OPTN: variants seen among roughly 807,000 people sequenced by gnomAD.
OPTN encodes the protein optineurin.
A neutral mutation model predicts 70.4 loss-of-function variants in OPTN; 54 were observed. The observed-to-expected ratio is 0.77, with a 90% CI of 0.62 to 0.96. The LOEUF is 0.96. Ranked by LOEUF, OPTN falls within the 40% of genes least tolerant of loss-of-function variation. The probability of loss-of-function intolerance (pLI) is 0.00; values close to 1 mark genes in which losing one functional copy is unlikely to be tolerated. For synonymous variants in OPTN, 256 were observed against 248.5 expected (o/e 1.03, Z -0.28); for missense variants, 624 against 673.2 (o/e 0.93, Z 0.81).
chr10:13,106,604 C>T (rs1262606138), intron 1 of OPTN, among the ~76,000 whole-genome samples: 1 of 152,216 alleles, frequency 6.6e-6, no homozygotes, highest in Non-Finnish European at 1.5e-5. Flanking sequence ...TGTACTGTCA[C>T]AGGGTGTGGT....
At chr10:13,124,368 T>A (rs1403839103) in intron 9 of OPTN, among the ~76,000 whole-genome samples, 5 of 152,188 alleles carry the variant, frequency 3.3e-5, no homozygotes, top group African/African-American at 4.8e-5. Context: ...CTGGGTAAGA[T>A]CTCTACAGTA....
At chr10:13,124,354 G>A (rs890087089) in intron 9 of OPTN, among the ~76,000 whole-genome samples, 7 of 152,244 alleles carry the variant, frequency 4.6e-5, no homozygotes, top group African/African-American at 1.2e-4. Context: ...TTAAATGTAC[G>A]AGCCTGGGTA....
chr10:13,113,396 G>T (rs1833052026), intron 5 of OPTN, among the ~76,000 whole-genome samples: 2 of 152,202 alleles, frequency 1.3e-5, no homozygotes, highest in Admixed American at 1.3e-4. Flanking sequence ...GAGGAGAAAA[G>T]AAAGAGCAGA....
chr10:13,121,421 G>T (rs988375294), intron 7 of OPTN, among the ~76,000 whole-genome samples: 5 of 144,662 alleles, frequency 3.5e-5, no homozygotes, highest in African/African-American at 1.3e-4. Flanking sequence ...CTCCAGGATT[G>T]TGTCATCGCA....
At position 13,126,026 on chromosome 10, in the gene OPTN, T is replaced by C. The variant is rs747263866; in HGVS notation, c.1229T>C (p.Leu410Pro). The part of the protein sequence containing the change: ...HNNALKTIEE[L>P]TRKESEKVDR... ...AATGCATTGAAAACAATTGAGGAAC[T>C]AACAAGAAAAGAGGTATTCACTGAA... Residue 410 changes from leucine (L) to proline (P), a missense_variant, in exon 11 of 15, where the codon CTA becomes CCA. Leu to Pro is a moderately conservative substitution (Grantham distance 98, BLOSUM62 -3). Coordinates refer to ENST00000378747, the MANE Select transcript of OPTN (RefSeq NM_001008212.2). 1.5e-5 allele frequency: 24 copies of C among 1,606,802 alleles called. No individual in the cohort carries two copies. The highest frequency in any genetic ancestry group is 1.9e-5 in the Non-Finnish European group (22 of 1,173,694).
rs140774706 is a variant in OPTN at position 13,133,773 on chromosome 10, C to T, written c.1612+192C>T. Among the ~76,000 whole-genome samples the T allele has an allele frequency of 6.8e-3, 1,032 of 152,274 alleles. 9 individuals are homozygous for T. The highest frequency in any genetic ancestry group is 0.011 in the Non-Finnish European group (752 of 68,012). On this transcript the variant is annotated intron_variant, in intron 14 of 14. Coordinates refer to ENST00000378747, the MANE Select transcript of OPTN (RefSeq NM_001008212.2). ...ACCGAATCCAGACCAGACCCTTCAC[C>T]CTGCCAGAAGGTGCCTGGCACGGCC...
chr10:13,117,801 A>G (rs761158187), intron 6 of OPTN, among the ~76,000 whole-genome samples: 1 of 152,228 alleles, frequency 6.6e-6, no homozygotes, highest in African/African-American at 2.4e-5. Flanking sequence ...TGCATATAGA[A>G]TGACTTACAA....
intron 1 of OPTN, among the ~76,000 whole-genome samples, chr10:13,104,033 CAT>C (rs1832805855): frequency 1.3e-5 from 2 of 152,104 alleles, no homozygotes; most frequent in African/African-American, 2.4e-5. Flanking sequence ...CCTTCGAAGA[CAT>C]GTGCAAGGAT....
chr10:13,101,796 C>T (rs1199228594), intron 1 of OPTN, among the ~76,000 whole-genome samples: 1 of 152,150 alleles, frequency 6.6e-6, no homozygotes, highest in Non-Finnish European at 1.5e-5. Flanking sequence ...TTTTGAGAAT[C>T]TGGAAGTGAA....
Position 13,125,439 on chromosome 10 carries a change from A to C in OPTN, c.1020A>C (p.Lys340Asn). The change falls in exon 10 of 15, where the codon AAA (lysine) becomes AAC (asparagine). Residue 340 changes from lysine to asparagine, a missense_variant. Coordinates refer to ENST00000378747, the MANE Select transcript of OPTN (RefSeq NM_001008212.2). ...LQEKCQALER[K>N]NSAIPSELNE... ...TTAGGTGTCAGGCCCTTGAAAGGAA[A>C]AATTCTGCAATTCCATCAGAGTTGA... The C allele has an allele frequency of 6.2e-7, 1 of 1,614,158 alleles. No individual in the cohort carries two copies. Among genetic ancestry groups the C allele is most frequent in the Non-Finnish European group, 8.5e-7 (1 of 1,180,008 alleles).
Position 13,107,017 on chromosome 10 carries a change from T to C in OPTN, c.-163-1121T>C, listed in dbSNP as rs559985693. Among the ~76,000 whole-genome samples, 192 of 152,320 alleles carry C rather than the reference T, an allele frequency of 1.3e-3. 1 individual carries two copies. Among genetic ancestry groups the C allele is most frequent in the African/African-American group, 4.4e-3 (183 of 41,580 alleles). ...TTTTGTGCATGCGTGGCTTTCTGCC[T>C]GATCACAGTTGTATAGTGTACATTG... is the stretch of plus-strand genomic sequence containing the variant. On this transcript the variant is annotated intron_variant, in intron 1 of 14. Transcript: ENST00000378747.
intron 12 of OPTN, among the ~76,000 whole-genome samples, chr10:13,131,107 G>A (rs1359485012): frequency 1.3e-5 from 2 of 152,032 alleles, no homozygotes; most frequent in African/African-American, 4.8e-5. Flanking sequence ...TTTTAGTAGC[G>A]ATGAGGTTTT....
chr10:13,117,080 C>CTCT (rs1833226608), intron 6 of OPTN, among the ~76,000 whole-genome samples: 1 of 121,398 alleles, frequency 8.2e-6, no homozygotes, highest in Admixed American at 9.7e-5. Context: ...CTAAGGATCT[C>CTCT]TTTTTTTTTT....
chr10:13,130,282 G>A (rs1222370705), intron 12 of OPTN, among the ~76,000 whole-genome samples: 2 of 151,680 alleles, frequency 1.3e-5, no homozygotes, highest in Non-Finnish European at 2.9e-5. Context: ...AAAATTAGCC[G>A]AGCGTGTTGG....
intron 4 of OPTN, among the ~76,000 whole-genome samples, chr10:13,111,930 C>T (rs1833012673): frequency 7.3e-6 from 1 of 137,668 alleles, no homozygotes; most frequent in Non-Finnish European, 1.5e-5. Flanking sequence ...TCACTGCAAG[C>T]TCCGCCTCCC....
intron 7 of OPTN, among the ~76,000 whole-genome samples, chr10:13,121,129 G>T (rs540609234): frequency 1.3e-5 from 2 of 152,244 alleles, no homozygotes; most frequent in Admixed American, 6.5e-5. Context: ...GATGAGATCT[G>T]GGTGGGGACA....
At chr10:13,133,802 CTTTTTCTTT>C (rs1199770007) in intron 14 of OPTN, among the ~76,000 whole-genome samples, 4 of 152,148 alleles carry the variant, frequency 2.6e-5, no homozygotes, top group South Asian at 2.1e-4. Flanking sequence ...CACGGCCACA[CTTTTTCTTT>C]TTTTTCTTTT....
At chr10:13,131,425 A>G in intron 12 of OPTN, 1 of 153,676 alleles carries the variant, frequency 6.5e-6, no homozygotes, top group Non-Finnish European at 1.4e-5. Flanking sequence ...CACACATGGG[A>G]CATGGATTGA....
chr10:13,104,294 C>CT (rs1190618809), intron 1 of OPTN, among the ~76,000 whole-genome samples: 3 of 120,780 alleles, frequency 2.5e-5, no homozygotes, highest in African/African-American at 6.4e-5. Context: ...GGGTCTCACT[C>CT]TGTCACCCAG....
Sources: allele counts gnomAD v4.1 joint callset (sites outside exome capture counted in the v4.1 genomes callset), GRCh38; gene constraint gnomAD v4.1.1; transcripts MANE v1.5; gene names NCBI Gene and HGNC (gene_info 2026-07-23, HGNC 2026-07-21).